Variants in BTBD9 observed in about 807,000 individuals in gnomAD.
The protein encoded by BTBD9 is BTB domain containing 9.
In BTBD9, 49 loss-of-function variants were observed where a neutral mutation model predicts 64.3. That is an observed-to-expected ratio of 0.76 (90% confidence interval 0.61 to 0.97). The LOEUF (loss-of-function observed/expected upper bound fraction) is 0.97. Ranked by LOEUF, BTBD9 falls within the 50% of genes least tolerant of loss-of-function variation. The pLI is 0.00. For missense variants in BTBD9, 598 were observed against 762.1 expected, an observed-to-expected ratio of 0.78 and a Z score of 2.53; for synonymous variants, 260 against 274.7, an observed-to-expected ratio of 0.95 and a Z score of 0.53.
chr6:38,266,613 A>AGAAAGAAAGAAAG (rs1561947072), intron 8 of BTBD9, among the ~76,000 whole-genome samples: 1 of 9,682 alleles, frequency 1.0e-4, no homozygotes, highest in African/African-American at 4.8e-4. Context: ...AAGGAAAGAA[A>AGAAAGAAAGAAAG]GAAAGAAAGA....
intron 8 of BTBD9, among the ~76,000 whole-genome samples, chr6:38,258,547 T>C (rs1019534140): frequency 6.6e-6 from 1 of 152,232 alleles, no homozygotes; most frequent in African/African-American, 2.4e-5. Context: ...ATGTCTCACA[T>C]GGAGCTTAAA....
chr6:38,220,441 GT>G (rs774914449), intron 9 of BTBD9, among the ~76,000 whole-genome samples: 1 of 152,206 alleles, frequency 6.6e-6, no homozygotes, highest in Non-Finnish European at 1.5e-5. Flanking sequence ...CCCTATCAGT[GT>G]TTTCACTAGG....
At chr6:38,540,325 A>T (rs1481523302) in intron 6 of BTBD9, among the ~76,000 whole-genome samples, 1 of 152,202 alleles carries the variant, frequency 6.6e-6, no homozygotes, top group East Asian at 1.9e-4. Context: ...AGGTATAATA[A>T]ATTAATATGA....
At chr6:38,413,976 C>G (rs1391461396) in intron 6 of BTBD9, among the ~76,000 whole-genome samples, 2 of 152,102 alleles carry the variant, frequency 1.3e-5, no homozygotes, top group African/African-American at 4.8e-5. Context: ...TGCACAATGC[C>G]TGGCACCTAG....
chr6:38,348,979 C>T lies in BTBD9; in HGVS notation c.1155-3886G>A, dbSNP rs184562299. Among the ~76,000 whole-genome samples, 11 of 152,266 alleles carry T rather than the reference C, an allele frequency of 7.2e-5. No individual in the cohort carries two copies. The East Asian group carries it at 2.1e-3, about 29-fold the overall frequency. On this transcript the variant is annotated intron_variant, in intron 6 of 10. Coordinates refer to ENST00000481247, the MANE Select transcript of BTBD9 (RefSeq NM_001099272.2). ...ACTGAAGTGCAGTGGCATGATCATG[C>T]CTCACTGCAGCCTCAACTTCTGGGC...
intron 6 of BTBD9, among the ~76,000 whole-genome samples, chr6:38,564,946 G>C (rs1775423878): frequency 6.6e-6 from 1 of 151,980 alleles, no homozygotes; most frequent in African/African-American, 2.4e-5. Flanking sequence ...AAACAAAGCA[G>C]ATAAAATAGC....
At chr6:38,606,221 C>T (rs529856180) in intron 1 of BTBD9, among the ~76,000 whole-genome samples, 1 of 152,292 alleles carries the variant, frequency 6.6e-6, no homozygotes, top group South Asian at 2.1e-4. Flanking sequence ...TGCTCCTCAG[C>T]TTGCAGAGGG....
chr6:38,273,729 A>G (rs1418406177), intron 8 of BTBD9, among the ~76,000 whole-genome samples: 1 of 152,208 alleles, frequency 6.6e-6, no homozygotes. Context: ...TTCATTAAAG[A>G]TTCTTACTCT....
chr6:38,391,022 CT>C (rs1474329710), intron 6 of BTBD9, among the ~76,000 whole-genome samples: 2 of 152,172 alleles, frequency 1.3e-5, no homozygotes, highest in Non-Finnish European at 2.9e-5. Flanking sequence ...TACTTATTGT[CT>C]CCGTAATCCT....
chr6:38,330,953 C>T lies in BTBD9; in HGVS notation c.1264+14031G>A, dbSNP rs1318133130. ...CAAAAAAACAACAAATCACTGACAA[C>T]TACTGCAGAAGAACATGTTTTTATA... On this transcript the variant is annotated intron_variant, in intron 7 of 10. Transcript: ENST00000481247. Among the ~76,000 whole-genome samples, 3 of 152,108 alleles carry T rather than the reference C, an allele frequency of 2.0e-5. No individual in the cohort carries two copies. The East Asian group carries it at 5.8e-4, about 29-fold the overall frequency.
At chr6:38,181,580 C>A (rs1236681868) in intron 10 of BTBD9, among the ~76,000 whole-genome samples, 1 of 152,234 alleles carries the variant, frequency 6.6e-6, no homozygotes, top group East Asian at 1.9e-4. Flanking sequence ...CATCTACAGA[C>A]TGCAGAGATG....
rs77571154 is a variant in BTBD9, at chr6:38,431,323, T to G, written c.1155-86230A>C. ...CAGTAGCAGCAACAATAGCTAACAT[T>G]TACTGAGAACACAGTATGTGTCCAG... On this transcript the variant is annotated intron_variant, in intron 6 of 10. Coordinates refer to ENST00000481247, the MANE Select transcript of BTBD9 (RefSeq NM_001099272.2). Among the ~76,000 whole-genome samples the G allele has an allele frequency of 4.6e-5, 7 of 152,302 alleles. 1 individual carries two copies. The East Asian group carries it at 1.3e-3, about 29-fold the overall frequency.
chr6:38,209,965 G>A (rs1301663455), intron 9 of BTBD9, among the ~76,000 whole-genome samples: 1 of 152,220 alleles, frequency 6.6e-6, no homozygotes, highest in African/African-American at 2.4e-5. Context: ...CTCTCACAGA[G>A]AGCGGCAGGA....
intron 9 of BTBD9, among the ~76,000 whole-genome samples, chr6:38,224,030 T>C (rs1466603844): frequency 6.6e-6 from 1 of 152,058 alleles, no homozygotes; most frequent in Non-Finnish European, 1.5e-5. Context: ...CTGGGCAACA[T>C]GGTAAAAACC....
chr6:38,639,766 G>T (rs147231789), intron 1 of BTBD9, 34 bp downstream of exon 1: 4,218 of 151,776 alleles, frequency 0.028, 81 homozygotes, highest in Admixed American at 0.069. Flanking sequence ...GTGCGGCCAG[G>T]CCCCACCTCC....
chr6:38,618,124 C>T (rs140854563), intron 1 of BTBD9, among the ~76,000 whole-genome samples: 138 of 152,288 alleles, frequency 9.1e-4, no homozygotes, highest in African/African-American at 3.2e-3. Flanking sequence ...AAACCACGGA[C>T]GGTTTTTCCT....
intron 1 of BTBD9, among the ~76,000 whole-genome samples, chr6:38,604,137 G>C (rs577437255): frequency 6.6e-6 from 1 of 152,120 alleles, no homozygotes; most frequent in Admixed American, 6.5e-5. Flanking sequence ...TTGCAGAAGA[G>C]AATTATCCTC....
chr6:38,438,131 G>A (rs114446056), intron 6 of BTBD9, among the ~76,000 whole-genome samples: 98 of 148,832 alleles, frequency 6.6e-4, no homozygotes, highest in Admixed American at 5.5e-4. Context: ...CTAGCTTGAA[G>A]AATACTACTA....
At chr6:38,622,193 C>T (rs750686897) in intron 1 of BTBD9, among the ~76,000 whole-genome samples, 3 of 152,226 alleles carry the variant, frequency 2.0e-5, no homozygotes, top group Admixed American at 1.3e-4. Context: ...TCCCTCGGTC[C>T]GTTGTAAGGC....
Sources: allele counts gnomAD v4.1 joint callset (sites outside exome capture counted in the v4.1 genomes callset), GRCh38; gene constraint gnomAD v4.1.1; transcripts MANE v1.5; gene names NCBI Gene and HGNC (gene_info 2026-07-23, HGNC 2026-07-21).